ANKRD36B: variants seen among roughly 807,000 people sequenced by gnomAD.
ANKRD36B encodes ankyrin repeat domain-containing protein 36B.
Under a neutral mutation model 135.7 loss-of-function variants are expected in ANKRD36B, and 37 were observed. The ratio of observed to expected loss-of-function variants is 0.27; its 90% CI spans 0.21 to 0.36. The LOEUF is 0.36. Among genes scored for constraint, ANKRD36B ranks in the 10% least tolerant of loss-of-function variants. The pLI is 1.00. For synonymous variants in ANKRD36B, 179 were observed against 348.1 expected, an observed-to-expected ratio of 0.51 and a Z score of 5.41; for missense variants, 549 against 1,037.1, an observed-to-expected ratio of 0.53 and a Z score of 6.46.
intron 14 of ANKRD36B, 89 bp from the exon 15 acceptor site, chr2:97,553,460 C>T (rs562557592): frequency 1.4e-5 from 20 of 1,439,052 alleles, no homozygotes; most frequent in African/African-American, 8.5e-5. Context: ...AAGCTGTATC[C>T]GCCTGCCTGT....
Position 97,561,590 on chromosome 2 carries a change from T to TA in ANKRD36B, c.764-731dup, listed in dbSNP as rs1441453019. On this transcript the variant is annotated intron_variant, in intron 6 of 43. Coordinates refer to ENST00000359901, the MANE Select transcript of ANKRD36B (RefSeq NM_001393939.1). ...CCAAATTTGACATACTTTTACAAAA[T>TA]AAAGTTTCTACAAGCATTAGATATG... Among the ~76,000 whole-genome samples the TA allele has an allele frequency of 2.0e-4, 30 of 151,860 alleles. 1 individual carries two copies. Among genetic ancestry groups the TA allele is most frequent in the Admixed American group, 1.9e-3 (29 of 15,202 alleles).
In ANKRD36B at chr2:97,534,112, T is replaced by C. The variant is rs1331212828; in HGVS notation, c.2192-1728A>G. ...TCAATATGTAAATAATTGTCAAAAA[T>C]GAAAAAATTAAATTTCCACAGACAT... is the stretch of plus-strand genomic sequence containing the variant. On this transcript the variant is annotated intron_variant, in intron 34 of 43. Coordinates refer to ENST00000359901, the MANE Select transcript of ANKRD36B (RefSeq NM_001393939.1). Among the ~76,000 whole-genome samples, 15 of 93,236 alleles carry C rather than the reference T, an allele frequency of 1.6e-4. 3 individuals carry two copies. Among genetic ancestry groups the C allele is most frequent in the African/African-American group, 4.8e-4 (15 of 31,058 alleles). 61.2% of individuals were successfully genotyped at this position (93,236 alleles called of 152,430 possible). A position where few individuals can be genotyped will look rare whatever the true frequency, so the allele number is the denominator to read the frequency against.
In ANKRD36B at chr2:97,529,163, T is replaced by C. The variant is rs1195439084; in HGVS notation, c.2265+3148A>G. On this transcript the variant is annotated intron_variant, in intron 35 of 43. Coordinates refer to ENST00000359901, the MANE Select transcript of ANKRD36B (RefSeq NM_001393939.1). ...GATGCAAAAATCCTCAATAAAATAC[T>C]GGCAAACCGAATCCAGCAGCACATC... is the stretch of plus-strand genomic sequence containing the variant. Among the ~76,000 whole-genome samples, 9 of 95,322 alleles carry C rather than the reference T, an allele frequency of 9.4e-5. 3 individuals carry two copies. Among genetic ancestry groups the C allele is most frequent in the African/African-American group, 2.8e-4 (9 of 31,720 alleles). 62.5% of individuals were successfully genotyped at this position (95,322 alleles called of 152,430 possible).
chr2:97,525,101 G>A (rs2078123361), intron 35 of ANKRD36B: 2 of 96,954 alleles, frequency 2.1e-5, no homozygotes, highest in South Asian at 4.7e-4. Context: ...CCAAATCACT[G>A]GATTGTAACT....
chr2:97,549,656 T>A (rs752230106), intron 18 of ANKRD36B, 42 bp from the exon 19 acceptor site: 2 of 1,605,712 alleles, frequency 1.2e-6, no homozygotes, highest in Middle Eastern at 2.2e-4. Context: ...TATGTAAATA[T>A]GACAAAGATA....
At chr2:97,562,770 G>A (rs1208734689) in intron 6 of ANKRD36B, among the ~76,000 whole-genome samples, 2 of 151,940 alleles carry the variant, frequency 1.3e-5, no homozygotes, top group Non-Finnish European at 2.9e-5. Context: ...GTGAAGATAA[G>A]GTTTTGCTTT....
At chr2:97,566,766 A>T (rs1423376396) in intron 6 of ANKRD36B, among the ~76,000 whole-genome samples, 1 of 152,080 alleles carries the variant, frequency 6.6e-6, no homozygotes, top group African/African-American at 2.4e-5. Context: ...ATGTGTAGAA[A>T]ACACATATTC....
intron 3 of ANKRD36B, among the ~76,000 whole-genome samples, chr2:97,581,855 T>G (rs1243689972): frequency 1.3e-5 from 2 of 152,136 alleles, no homozygotes; most frequent in Non-Finnish European, 2.9e-5. Flanking sequence ...CAGGCTGGAG[T>G]GCAGTGGTGC....
intron 1 of ANKRD36B, among the ~76,000 whole-genome samples, chr2:97,589,165 A>C (rs1339640278): frequency 2.0e-4 from 20 of 100,220 alleles, no homozygotes; most frequent in South Asian, 4.8e-4. Context: ...TCACCCCCAC[A>C]CCTCACCCCC....
At chr2:97,571,642 T>C (rs1197624802) in intron 6 of ANKRD36B, among the ~76,000 whole-genome samples, 3 of 151,870 alleles carry the variant, frequency 2.0e-5, no homozygotes, top group Admixed American at 1.3e-4. Context: ...CGAGACTCAG[T>C]CTCAAAAAAA....
intron 6 of ANKRD36B, among the ~76,000 whole-genome samples, chr2:97,562,191 T>G (rs2081085273): frequency 6.6e-6 from 1 of 150,376 alleles, no homozygotes; most frequent in South Asian, 2.1e-4. Flanking sequence ...AAACAAAGTT[T>G]CTAAATCACT....
rs575894568 is a variant in ANKRD36B at position 97,551,513 on chromosome 2, A to G, written c.1274-33T>C. 9 of 1,606,954 alleles carry G rather than the reference A, an allele frequency of 5.6e-6. No homozygotes were observed. In the East Asian group the frequency reaches 2.0e-4, roughly 36 times the overall value. ...GCAAAAGGGATACATAATCACTCAT[A>G]TGTAACTATGACAAAGTTATCCATA... is the stretch of plus-strand genomic sequence containing the variant. On this transcript the variant is annotated intron_variant, in intron 16 of 43. Coordinates refer to ENST00000359901, the MANE Select transcript of ANKRD36B (RefSeq NM_001393939.1).
intron 1 of ANKRD36B, among the ~76,000 whole-genome samples, chr2:97,588,424 G>A (rs940215522): frequency 1.3e-5 from 2 of 151,748 alleles, no homozygotes; most frequent in African/African-American, 4.8e-5. Context: ...GTGTGTTCCT[G>A]GATTTTCTAA....
chr2:97,536,555 C>A lies in ANKRD36B; in HGVS notation c.2090-59G>T, dbSNP rs4069274. On this transcript the variant is annotated intron_variant, in intron 32 of 43. Transcript: ENST00000359901. ...AATATGGTAAGGCCAACCATACATT[C>A]GTGGAGTGTTAGCATCAAACTGAAT... is the stretch of plus-strand genomic sequence containing the variant. 2,398 of 724,968 alleles carry A rather than the reference C, an allele frequency of 3.3e-3. 589 individuals are homozygous for A. The East Asian group carries it at 0.035, about 10-fold the overall frequency. The allele number at this position is 724,968 out of a possible 1,614,324, so 44.9% of individuals were successfully genotyped here.
intron 6 of ANKRD36B, among the ~76,000 whole-genome samples, chr2:97,567,117 A>G (rs576125172): frequency 3.9e-5 from 6 of 152,162 alleles, no homozygotes; most frequent in Admixed American, 3.3e-4. Context: ...CCAGTTTTTT[A>G]TAAAGAATAT....
intron 6 of ANKRD36B, among the ~76,000 whole-genome samples, chr2:97,569,137 A>G (rs1392938290): frequency 1.3e-5 from 2 of 152,164 alleles, no homozygotes; most frequent in East Asian, 3.9e-4. Flanking sequence ...TGTAGTACAC[A>G]GCATGAAGTC....
At chr2:97,566,679 T>A (rs4069507) in intron 6 of ANKRD36B, among the ~76,000 whole-genome samples, 1 of 151,962 alleles carries the variant, frequency 6.6e-6, no homozygotes, top group Non-Finnish European at 1.5e-5. Context: ...ATATAATGAG[T>A]AGGCATTGTC....
intron 4 of ANKRD36B, 37 bp from the exon 5 acceptor site, chr2:97,579,080 C>G: frequency 2.6e-6 from 4 of 1,551,760 alleles, no homozygotes; most frequent in East Asian, 2.4e-5. Context: ...ACTTTAATGA[C>G]ATTTTAAAAG....
chr2:97,537,428 T>C (rs2078944811), intron 32 of ANKRD36B, among the ~76,000 whole-genome samples: 1 of 96,992 alleles, frequency 1.0e-5, no homozygotes, highest in African/African-American at 3.1e-5. Flanking sequence ...AAACTAAATA[T>C]TCATATTAAA....
Sources: gnomAD v4.1 joint callset for allele counts (sites outside exome capture counted in the v4.1 genomes callset) on GRCh38, gnomAD v4.1.1 for gene constraint, MANE v1.5 for transcripts, NCBI Gene and HGNC (gene_info 2026-07-23, HGNC 2026-07-21) for gene names.